Variants in ZCWPW2 observed in about 807,000 individuals in gnomAD.
The protein encoded by ZCWPW2 is zinc finger CW-type PWWP domain protein 2.
In ZCWPW2, 45 loss-of-function variants were observed where a neutral mutation model predicts 46.6. The observed-to-expected ratio is 0.96, with a 90% CI of 0.76 to 1.24. The LOEUF (loss-of-function observed/expected upper bound fraction) is 1.24. Among genes scored for constraint, ZCWPW2 ranks in the 50% most tolerant of loss-of-function variants. The probability of loss-of-function intolerance (pLI) is 0.00; values close to 1 mark genes in which losing one functional copy is unlikely to be tolerated. For missense variants in ZCWPW2, 429 were observed against 403.9 expected (o/e 1.06, Z -0.53); for synonymous variants, 152 against 137.1 (o/e 1.11, Z -0.76).
At chr3:28,378,437 A>G (rs967334502) in intron 1 of ZCWPW2, among the ~76,000 whole-genome samples, 1 of 152,056 alleles carries the variant, frequency 6.6e-6, no homozygotes, top group Non-Finnish European at 1.5e-5. Context: ...TAAATCAAAC[A>G]TTTATTATAT....
chr3:28,453,918 C>T (rs1026756341), intron 4 of ZCWPW2, among the ~76,000 whole-genome samples: 4 of 150,832 alleles, frequency 2.7e-5, no homozygotes, highest in Non-Finnish European at 5.9e-5. Context: ...GATCTCGGCT[C>T]ACTGCAAGCT....
At position 28,526,136 on chromosome 3, in the gene ZCWPW2, TA is replaced by T. The variant is rs1429041777; in HGVS notation, c.*1449del. Reference sequence around the variant, plus strand: ...GCACTGTTGTGAGGAATAAATGAGATATTTTTTGTGAAAGTGGTTTGTAAAT... The same window carrying T: ...GCACTGTTGTGAGGAATAAATGAGATTTTTTTGTGAAAGTGGTTTGTAAAT... On this transcript the variant is annotated 3_prime_UTR_variant, in exon 10 of 10. Coordinates refer to ENST00000383768, the MANE Select transcript of ZCWPW2 (RefSeq NM_001040432.4). Among the ~76,000 whole-genome samples the T allele has an allele frequency of 6.6e-6, 1 of 152,186 alleles. No homozygotes were observed. Among genetic ancestry groups the T allele is most frequent in the African/African-American group, 2.4e-5 (1 of 41,448 alleles).
At chr3:28,408,586 G>A (rs1696261266) in intron 2 of ZCWPW2, among the ~76,000 whole-genome samples, 1 of 152,128 alleles carries the variant, frequency 6.6e-6, no homozygotes, top group South Asian at 2.1e-4. Context: ...GTAACTGAAA[G>A]GCACATTTGT....
chr3:28,400,054 A>G (rs758729228), intron 2 of ZCWPW2, among the ~76,000 whole-genome samples: 1 of 152,200 alleles, frequency 6.6e-6, no homozygotes, highest in African/African-American at 2.4e-5. Flanking sequence ...TGAAGGGACA[A>G]ACATTCAGGG....
chr3:28,500,584 T>C (rs55758484), intron 6 of ZCWPW2, among the ~76,000 whole-genome samples: 4,066 of 152,234 alleles, frequency 0.027, 163 homozygotes, highest in African/African-American at 0.087. Context: ...GAATTTCAGC[T>C]ATTATGTTTT....
chr3:28,481,132 AGTT>A (rs1340622796), intron 5 of ZCWPW2, among the ~76,000 whole-genome samples: 1 of 152,050 alleles, frequency 6.6e-6, no homozygotes, highest in Non-Finnish European at 1.5e-5. Context: ...AAGATCAGAT[AGTT>A]GTAGGTATGC....
At chr3:28,412,795 C>G (rs1696455502) in intron 2 of ZCWPW2, among the ~76,000 whole-genome samples, 1 of 152,004 alleles carries the variant, frequency 6.6e-6, no homozygotes, top group African/African-American at 2.4e-5. Context: ...ATAGTCACCT[C>G]TACTCCCCTT....
intron 1 of ZCWPW2, among the ~76,000 whole-genome samples, chr3:28,367,780 A>G (rs1705176890): frequency 6.6e-6 from 1 of 152,128 alleles, no homozygotes; most frequent in Non-Finnish European, 1.5e-5. Context: ...GTGGGAGTCT[A>G]AGTCTCTTTG....
At chr3:28,510,191 A>C (rs1700389364) in intron 6 of ZCWPW2, among the ~76,000 whole-genome samples, 1 of 152,232 alleles carries the variant, frequency 6.6e-6, no homozygotes, top group African/African-American at 2.4e-5. Context: ...CCAGTACCAT[A>C]CTATCTTGAT....
intron 3 of ZCWPW2, among the ~76,000 whole-genome samples, chr3:28,425,838 G>A (rs1047243818): frequency 6.6e-5 from 10 of 152,098 alleles, no homozygotes; most frequent in Admixed American, 1.3e-4. Flanking sequence ...GGCCAGGTGC[G>A]GTGGCTAATG....
At chr3:28,412,636 T>C (rs879289292) in intron 2 of ZCWPW2, among the ~76,000 whole-genome samples, 3 of 151,936 alleles carry the variant, frequency 2.0e-5, no homozygotes, top group Admixed American at 2.0e-4. Context: ...CATAATAAGG[T>C]TGTTGGGAAG....
At chr3:28,360,502 G>A (rs921570669) in intron 1 of ZCWPW2, among the ~76,000 whole-genome samples, 1 of 149,778 alleles carries the variant, frequency 6.7e-6, no homozygotes, top group Admixed American at 6.7e-5. Flanking sequence ...CAGCCTGGGT[G>A]ACAGAGCAAG....
intron 4 of ZCWPW2, among the ~76,000 whole-genome samples, chr3:28,453,188 G>A (rs1383471337): frequency 6.6e-6 from 1 of 152,166 alleles, no homozygotes; most frequent in South Asian, 2.1e-4. Flanking sequence ...TATATTTCAT[G>A]TTCTTTGCAA....
chr3:28,376,783 A>G (rs1381455682), intron 1 of ZCWPW2, among the ~76,000 whole-genome samples: 1 of 152,094 alleles, frequency 6.6e-6, no homozygotes, highest in Non-Finnish European at 1.5e-5. Context: ...GTATGTTGAA[A>G]TCTTTTGTTC....
chr3:28,379,341 A>C (rs1348117515), intron 1 of ZCWPW2, among the ~76,000 whole-genome samples: 1 of 152,194 alleles, frequency 6.6e-6, no homozygotes, highest in Non-Finnish European at 1.5e-5. Flanking sequence ...CACTGAGGGG[A>C]TGCAAGAGGA....
At chr3:28,371,260 T>C (rs1028441596) in intron 1 of ZCWPW2, among the ~76,000 whole-genome samples, 1 of 152,094 alleles carries the variant, frequency 6.6e-6, no homozygotes, top group African/African-American at 2.4e-5. Flanking sequence ...CTGACGCTTG[T>C]TAAAATGGTA....
intron 4 of ZCWPW2, among the ~76,000 whole-genome samples, chr3:28,437,958 G>T (rs1421016940): frequency 6.6e-6 from 1 of 152,068 alleles, no homozygotes; most frequent in Non-Finnish European, 1.5e-5. Flanking sequence ...TCTATTGAAG[G>T]CTTGAAACTT....
chr3:28,400,484 GT>G (rs1160799629), intron 2 of ZCWPW2, among the ~76,000 whole-genome samples: 1 of 152,262 alleles, frequency 6.6e-6, no homozygotes, highest in African/African-American at 2.4e-5. Context: ...TAGGCACATA[GT>G]CATCAAGTTA....
intron 6 of ZCWPW2, among the ~76,000 whole-genome samples, chr3:28,507,602 CAT>C (rs1655665162): frequency 1.3e-5 from 2 of 151,784 alleles, no homozygotes; most frequent in African/African-American, 2.4e-5. Flanking sequence ...TTTGATTTCA[CAT>C]GTTATTGCAT....
Sources: allele counts gnomAD v4.1 joint callset (sites outside exome capture counted in the v4.1 genomes callset), GRCh38; gene constraint gnomAD v4.1.1; transcripts MANE v1.5; gene names NCBI Gene and HGNC (gene_info 2026-07-23, HGNC 2026-07-21).